The following ESRRB variants were observed in gnomAD, a reference collection of about 807,000 sequenced individuals.
ESRRB encodes estrogen related receptor beta.
Under a neutral mutation model 46.0 loss-of-function variants are expected in ESRRB, and 16 were observed. The observed-to-expected ratio is 0.35, with a 90% CI of 0.24 to 0.53. The LOEUF (loss-of-function observed/expected upper bound fraction) is 0.53. Among genes scored for constraint, ESRRB ranks in the 20% least tolerant of loss-of-function variants. ESRRB has a pLI of 0.93. For synonymous variants in ESRRB, 246 were observed against 259.6 expected (o/e 0.95, Z 0.50); for missense variants, 488 against 607.4 (o/e 0.80, Z 2.07).
chr14:76,327,458 C>T (rs1461407798), intron 1 of ESRRB, among the ~76,000 whole-genome samples: 10 of 151,748 alleles, frequency 6.6e-5, no homozygotes, highest in African/African-American at 9.7e-5. Context: ...CCTGACTTCC[C>T]GGAAAGGTAT....
At chr14:76,426,117 G>A (rs1887189882) in intron 1 of ESRRB, among the ~76,000 whole-genome samples, 1 of 152,230 alleles carries the variant, frequency 6.6e-6, no homozygotes, top group African/African-American at 2.4e-5. Context: ...ATTTTGGTGA[G>A]GGCGTTTGGC....
intron 1 of ESRRB, among the ~76,000 whole-genome samples, chr14:76,433,147 G>C (rs1054919841): frequency 6.6e-6 from 1 of 152,120 alleles, no homozygotes; most frequent in Non-Finnish European, 1.5e-5. Flanking sequence ...CTGTAGAGAC[G>C]CTTCTTCAAA....
At chr14:76,426,745 T>A (rs76452997) in intron 1 of ESRRB, among the ~76,000 whole-genome samples, 1 of 152,112 alleles carries the variant, frequency 6.6e-6, no homozygotes, top group Admixed American at 6.6e-5. Flanking sequence ...AGAACAATAG[T>A]TGAGGCCAGG....
intron 1 of ESRRB, among the ~76,000 whole-genome samples, chr14:76,340,865 G>A (rs1268266210): frequency 4.6e-5 from 7 of 152,210 alleles, no homozygotes; most frequent in African/African-American, 1.7e-4. Context: ...TGCTTCTGCA[G>A]TGGAGCTGAA....
intron 3 of ESRRB, among the ~76,000 whole-genome samples, chr14:76,465,279 G>A (rs1889057841): frequency 6.6e-6 from 1 of 152,166 alleles, no homozygotes; most frequent in South Asian, 2.1e-4. Context: ...GCACAGCACA[G>A]GGATGGGGGA....
chr14:76,499,659 C>A lies in ESRRB; in HGVS notation c.*1201C>A. 2 of 641,496 alleles carry A rather than the reference C, an allele frequency of 3.1e-6. No homozygotes were observed. Among genetic ancestry groups the A allele is most frequent in the Middle Eastern group, 4.1e-4 (1 of 2,456 alleles). 39.7% of individuals were successfully genotyped at this position (641,496 alleles called of 1,614,324 possible). On this transcript the variant is annotated 3_prime_UTR_variant, in exon 7 of 7. Coordinates refer to ENST00000644823, the MANE Select transcript of ESRRB (RefSeq NM_001379180.1). The stretch of plus-strand genomic sequence containing the variant: ...GTAGCTCCCCTGGGCACCGCGAGCA[C>A]GCCAGCTCTCTGGCAGGACCCCTGC...
intron 3 of ESRRB, among the ~76,000 whole-genome samples, chr14:76,473,469 C>G (rs56293844): frequency 6.6e-6 from 1 of 152,194 alleles, no homozygotes; most frequent in Admixed American, 6.5e-5. Context: ...CTGTCTGAAC[C>G]TTTCCTGTTG....
intron 3 of ESRRB, among the ~76,000 whole-genome samples, chr14:76,472,310 GT>G (rs1178527627): frequency 1.3e-5 from 2 of 152,188 alleles, no homozygotes; most frequent in Non-Finnish European, 2.9e-5. Context: ...TGGTGGCATG[GT>G]AAGAAGTGTC....
intron 1 of ESRRB, among the ~76,000 whole-genome samples, chr14:76,395,561 A>T (rs889359466): frequency 2.6e-5 from 4 of 151,918 alleles, no homozygotes; most frequent in Admixed American, 6.6e-5. Context: ...AAGTCACCTA[A>T]CCTCCCTGTG....
intron 1 of ESRRB, among the ~76,000 whole-genome samples, chr14:76,349,899 G>A (rs779430460): frequency 4.6e-5 from 7 of 152,210 alleles, no homozygotes; most frequent in African/African-American, 7.2e-5. Flanking sequence ...TGGGGAAGTA[G>A]GGTCCATGTG....
chr14:76,358,343 G>T lies in ESRRB; in HGVS notation c.2+47427G>T, dbSNP rs201397026. ...AAAAAAAAAGAAAGAAAGAAAGAAA[G>T]AAAGAAAGAAAGAAAGAAAGAAAGA... is the stretch of plus-strand genomic sequence containing the variant. On this transcript the variant is annotated intron_variant, in intron 1 of 6. Transcript: ENST00000512784. Among the ~76,000 whole-genome samples, 25 of 17,192 alleles carry T rather than the reference G, an allele frequency of 1.5e-3. 3 individuals are homozygous for T. The highest frequency in any genetic ancestry group is 3.8e-3 in the Admixed American group (6 of 1,598). 11.3% of individuals were successfully genotyped at this position (17,192 alleles called of 152,430 possible).
chr14:76,439,187 G>A (rs1213243880), intron 1 of ESRRB, among the ~76,000 whole-genome samples, 154 bp from the exon 2 acceptor site: 1 of 152,186 alleles, frequency 6.6e-6, no homozygotes, highest in Non-Finnish European at 1.5e-5. Context: ...TCCCGGCTGC[G>A]CCGAGGGGAG....
rs550580357 is a variant in ESRRB at position 76,410,844 on chromosome 14, T to A, written c.51-28497T>A. Among the ~76,000 whole-genome samples the A allele has an allele frequency of 1.2e-3, 175 of 152,132 alleles. 1 individual carries two copies. Among genetic ancestry groups the A allele is most frequent in the African/African-American group, 4.1e-3 (169 of 41,518 alleles). Reference sequence around the variant, plus strand: ...TGTCACCCAGACTGGAGGGCAGTGGTGCAATCTCAGCTCACTGCAACCTCC... The same window carrying A: ...TGTCACCCAGACTGGAGGGCAGTGGAGCAATCTCAGCTCACTGCAACCTCC... On this transcript the variant is annotated intron_variant, in intron 1 of 6. Transcript: ENST00000644823.
At chr14:76,336,725 G>C (rs1884130768) in intron 1 of ESRRB, among the ~76,000 whole-genome samples, 1 of 152,164 alleles carries the variant, frequency 6.6e-6, no homozygotes, top group Admixed American at 6.5e-5. Context: ...ATCTGCCTGG[G>C]GGGCGATACC....
Position 76,499,160 on chromosome 14 carries a change from G to T in ESRRB, c.*702G>T, listed in dbSNP as rs1033260651. Reference sequence around the variant, plus strand: ...TCCTCCTCTTCTCCTCCCCCCGGGAGTCCCCCGCTACTTCCTGACCCTACC... The same window carrying T: ...TCCTCCTCTTCTCCTCCCCCCGGGATTCCCCCGCTACTTCCTGACCCTACC... On this transcript the variant is annotated 3_prime_UTR_variant, in exon 7 of 7. Transcript: ENST00000644823. 4 of 308,446 alleles carry T rather than the reference G, an allele frequency of 1.3e-5. No individual in the cohort carries two copies. The highest frequency in any genetic ancestry group is 2.5e-5 in the Non-Finnish European group (4 of 158,762). The allele number at this position is 308,446 out of a possible 1,614,324, so 19.1% of individuals were successfully genotyped here.
chr14:76,487,319 C>T (rs1427491737), intron 5 of ESRRB, among the ~76,000 whole-genome samples: 3 of 152,306 alleles, frequency 2.0e-5, no homozygotes, highest in Non-Finnish European at 2.9e-5. Context: ...CACTGAGAGG[C>T]AGACTTGCCA....
Position 76,499,589 on chromosome 14 carries a change from AG to A in ESRRB, c.*1133del. 1.9e-6 allele frequency: 1 copy of A among 529,254 alleles called. No individual in the cohort carries two copies. Among genetic ancestry groups the A allele is most frequent in the Non-Finnish European group, 3.4e-6 (1 of 291,122 alleles). The allele number at this position is 529,254 out of a possible 1,614,324, so 32.8% of individuals were successfully genotyped here. The stretch of plus-strand genomic sequence containing the variant: ...CACAGGGCTAGTGTACCAGTGCCAC[AG>A]GAGGGGTGCCCTCCTACCACACTTG... On this transcript the variant is annotated 3_prime_UTR_variant, in exon 7 of 7. Transcript: ENST00000644823.
chr14:76,404,772 T>G (rs1476113638), intron 1 of ESRRB, among the ~76,000 whole-genome samples: 1 of 152,222 alleles, frequency 6.6e-6, no homozygotes, highest in African/African-American at 2.4e-5. Flanking sequence ...GATTAGCTGT[T>G]TTTTTGGCCA....
chr14:76,352,364 T>C (rs563650746), intron 1 of ESRRB, among the ~76,000 whole-genome samples: 1 of 152,186 alleles, frequency 6.6e-6, no homozygotes, highest in South Asian at 2.1e-4. Flanking sequence ...TCTTTGAGGT[T>C]TGGGGCAGCT....
Sources: allele counts gnomAD v4.1 joint callset (sites outside exome capture counted in the v4.1 genomes callset), GRCh38; gene constraint gnomAD v4.1.1; transcripts MANE v1.5; gene names NCBI Gene and HGNC (gene_info 2026-07-23, HGNC 2026-07-21).